Variants in KHDRBS2 observed in about 807,000 individuals in gnomAD.
The protein encoded by KHDRBS2 is KH domain-containing, RNA-binding, signal transduction-associated protein 2.
In KHDRBS2, 26 loss-of-function variants were observed where a neutral mutation model predicts 44.3. The observed-to-expected ratio is 0.59, with a 90% confidence interval of 0.43 to 0.81. KHDRBS2 has a LOEUF of 0.81. Ranked by LOEUF, KHDRBS2 falls within the 40% of genes least tolerant of loss-of-function variation. The pLI is 0.00. For missense variants in KHDRBS2, 476 were observed against 433.1 expected (o/e 1.10, Z -0.88); for synonymous variants, 194 against 151.1 (o/e 1.28, Z -2.08).
intron 6 of KHDRBS2, among the ~76,000 whole-genome samples, chr6:61,888,468 A>T (rs560960367): frequency 2.0e-4 from 30 of 152,326 alleles, no homozygotes; most frequent in Non-Finnish European, 3.4e-4. Context: ...AGCCAAAAAA[A>T]TATCCAGTAT....
chr6:61,650,060 C>T, the KHDRBS2 span, among the ~76,000 whole-genome samples: 2 of 152,136 alleles, frequency 1.3e-5, no homozygotes, highest in Non-Finnish European at 2.9e-5. Flanking sequence ...GGCTCAATGA[C>T]TCATGCATGT....
intron 4 of KHDRBS2, among the ~76,000 whole-genome samples, chr6:61,963,557 T>G (rs186056106): frequency 6.7e-4 from 102 of 152,180 alleles, no homozygotes; most frequent in Non-Finnish European, 1.3e-3. Flanking sequence ...AGGGGAACAC[T>G]GAAGAAAGCA....
intron 2 of KHDRBS2, among the ~76,000 whole-genome samples, chr6:62,170,911 T>C (rs755097602): frequency 2.6e-4 from 36 of 136,218 alleles, no homozygotes; most frequent in Non-Finnish European, 5.0e-4. Flanking sequence ...ACCCGCCTTA[T>C]ACCAAAGTCA....
intron 3 of KHDRBS2, among the ~76,000 whole-genome samples, chr6:62,040,236 C>T (rs931528409): frequency 2.6e-5 from 4 of 151,940 alleles, no homozygotes; most frequent in Admixed American, 6.6e-5. Context: ...AAACACCCAA[C>T]AGACACACGC....
intron 2 of KHDRBS2, among the ~76,000 whole-genome samples, chr6:62,065,550 G>A (rs1253480396): frequency 6.9e-6 from 1 of 145,756 alleles, no homozygotes; most frequent in Non-Finnish European, 1.5e-5. Context: ...ACCAAACACC[G>A]CATATTCTCA....
intron 6 of KHDRBS2, among the ~76,000 whole-genome samples, chr6:61,827,128 A>C (rs2127258134): frequency 6.6e-6 from 1 of 152,342 alleles, no homozygotes; most frequent in East Asian, 1.9e-4. Flanking sequence ...ATTTAGAACA[A>C]ACAAATGTAA....
At chr6:61,581,661 A>C in the KHDRBS2 span, among the ~76,000 whole-genome samples, 1 of 149,116 alleles carries the variant, frequency 6.7e-6, no homozygotes, top group East Asian at 1.9e-4. Flanking sequence ...AATATAAGAC[A>C]ACTATAGTAT....
intron 2 of KHDRBS2, among the ~76,000 whole-genome samples, chr6:62,172,698 GAAAAAAAAAAAA>G (rs33984802): frequency 1.4e-5 from 1 of 73,464 alleles, no homozygotes; most frequent in South Asian, 5.5e-4. Context: ...CCAGCAAACT[GAAAAAAAAAAAA>G]AAAAAAAAAC....
chr6:61,725,777 A>T (rs1284509307), intron 7 of KHDRBS2, among the ~76,000 whole-genome samples: 1 of 152,108 alleles, frequency 6.6e-6, no homozygotes, highest in Admixed American at 6.6e-5. Context: ...ACTAATAACG[A>T]GTTCTGAAAT....
intron 6 of KHDRBS2, among the ~76,000 whole-genome samples, chr6:61,788,689 G>C (rs935225337): frequency 6.6e-6 from 1 of 150,992 alleles, no homozygotes; most frequent in African/African-American, 2.4e-5. Context: ...CAAGTTTTCT[G>C]ATTTTCTTTT....
chr6:61,789,947 A>T (rs1428387008), intron 6 of KHDRBS2, among the ~76,000 whole-genome samples: 1 of 151,492 alleles, frequency 6.6e-6, no homozygotes, highest in African/African-American at 2.4e-5. Context: ...CCATGAGATG[A>T]TTATTATAAT....
At chr6:61,565,709 G>A in the KHDRBS2 span, among the ~76,000 whole-genome samples, 1 of 152,106 alleles carries the variant, frequency 6.6e-6, no homozygotes, top group Admixed American at 6.6e-5. Context: ...CTGTTGGTGG[G>A]AATGTAAATG....
chr6:61,763,120 A>C (rs1779514807), intron 6 of KHDRBS2, among the ~76,000 whole-genome samples: 1 of 152,164 alleles, frequency 6.6e-6, no homozygotes, highest in Non-Finnish European at 1.5e-5. Flanking sequence ...ATGTGATCTC[A>C]GTTAGAACAA....
At chr6:61,718,859 C>T (rs1209923228) in intron 7 of KHDRBS2, among the ~76,000 whole-genome samples, 1 of 152,180 alleles carries the variant, frequency 6.6e-6, no homozygotes, top group Non-Finnish European at 1.5e-5. Flanking sequence ...CCTGGTTAAA[C>T]TCTCCACAAA....
chr6:61,955,037 CATGT>C lies in KHDRBS2; in HGVS notation c.483+23025_483+23028del, dbSNP rs1199173086. Among the ~76,000 whole-genome samples, 5 of 142,942 alleles carry C rather than the reference CATGT, an allele frequency of 3.5e-5. No individual in the cohort carries two copies. The South Asian group carries it at 6.6e-4, about 19-fold the overall frequency. The allele number at this position is 142,942 out of a possible 152,430, so 93.8% of individuals were successfully genotyped here. On this transcript the variant is annotated intron_variant, in intron 4 of 8. Coordinates refer to ENST00000281156, the MANE Select transcript of KHDRBS2 (RefSeq NM_152688.4). ...GTATACACACATACATATATACATA[CATGT>C]ATGTATACATATATGTATGTATACA...
chr6:62,093,879 T>TGTGTGTGTGTGA (rs1484629807), intron 2 of KHDRBS2, among the ~76,000 whole-genome samples: 1 of 149,824 alleles, frequency 6.7e-6, no homozygotes, highest in Admixed American at 6.7e-5. Flanking sequence ...TGTGTGTGTG[T>TGTGTGTGTGTGA]GTGTGTGTGT....
In KHDRBS2 at chr6:61,680,109, A is replaced by G. The variant is rs1766159392; in HGVS notation, c.*854T>C. The G allele has an allele frequency of 6.6e-6, 1 of 152,406 alleles. No homozygotes were observed. The highest frequency in any genetic ancestry group is 2.4e-5 in the African/African-American group (1 of 41,442). 9.4% of individuals were successfully genotyped at this position (152,406 alleles called of 1,614,324 possible). ...ATAAGTTATTAATACATTTTTAAGT[A>G]TTACACAAATATCTTAAAACAGACT... On this transcript the variant is annotated 3_prime_UTR_variant, in exon 9 of 9. Coordinates refer to ENST00000281156, the MANE Select transcript of KHDRBS2 (RefSeq NM_152688.4).
In KHDRBS2 at chr6:62,042,962, G is replaced by C. The variant is rs1489214753; in HGVS notation, c.336+4916C>G. Reference sequence around the variant, plus strand: ...TTCAGCCAAGCTTATTAACAGAAATGCCAAAATACCTTTCATTACAACATA... The same window carrying C: ...TTCAGCCAAGCTTATTAACAGAAATCCCAAAATACCTTTCATTACAACATA... On this transcript the variant is annotated intron_variant, in intron 3 of 8. Transcript: ENST00000281156. Among the ~76,000 whole-genome samples, 4 of 152,130 alleles carry C rather than the reference G, an allele frequency of 2.6e-5. No homozygotes were observed. In the East Asian group the frequency reaches 5.8e-4, roughly 22 times the overall value.
intron 1 of KHDRBS2, among the ~76,000 whole-genome samples, chr6:62,199,081 C>A (rs1052399731): frequency 4.6e-5 from 7 of 152,128 alleles, no homozygotes; most frequent in Non-Finnish European, 8.8e-5. Context: ...ATTAATGGGA[C>A]GTATTTCAAA....
Sources: allele counts gnomAD v4.1 joint callset (sites outside exome capture counted in the v4.1 genomes callset), GRCh38; gene constraint gnomAD v4.1.1; transcripts MANE v1.5; gene names NCBI Gene and HGNC (gene_info 2026-07-23, HGNC 2026-07-21).